The following TCF25 variants were observed in gnomAD, a reference collection of about 807,000 sequenced individuals.
The protein encoded by TCF25 is TCF25 ribosome quality control complex subunit, also known as ribosome quality control complex subunit TCF25.
Under a neutral mutation model 83.1 loss-of-function variants are expected in TCF25, and 41 were observed. The ratio of observed to expected loss-of-function variants is 0.49; its 90% confidence interval spans 0.38 to 0.64. The LOEUF (loss-of-function observed/expected upper bound fraction) is 0.64. TCF25 is among the 30% of genes least tolerant of loss of function. The pLI is 0.00. For synonymous variants in TCF25, 458 were observed against 365.0 expected, an observed-to-expected ratio of 1.25 and a Z score of -2.90; for missense variants, 979 against 914.5, an observed-to-expected ratio of 1.07 and a Z score of -0.91.
At chr16:89,899,700 T>G (rs1172962163) in intron 11 of TCF25, among the ~76,000 whole-genome samples, 1 of 151,248 alleles carries the variant, frequency 6.6e-6, no homozygotes, top group African/African-American at 2.4e-5. Context: ...TGCACTCCAG[T>G]CTGGGCAACC....
chr16:89,900,848 G>A lies in TCF25; in HGVS notation c.1381+54G>A, dbSNP rs77672050. ...TAGGGGTGTGTCCTGTCAGCCGTGG[G>A]GGCTGCTCTTCCTGGTGGTGGAGGC... On this transcript the variant is annotated intron_variant, in intron 12 of 17. Transcript: ENST00000263346. The A allele has an allele frequency of 3.8e-3, 5,545 of 1,461,750 alleles. 201 individuals carry two copies. In the African/African-American group the frequency reaches 0.069, roughly 18 times the overall value. The allele number at this position is 1,461,750 out of a possible 1,614,324, so 90.5% of individuals were successfully genotyped here.
chr16:89,900,168 G>A (rs901613817), intron 11 of TCF25, among the ~76,000 whole-genome samples: 3 of 150,840 alleles, frequency 2.0e-5, no homozygotes, highest in Admixed American at 1.3e-4. Flanking sequence ...TCTACAATAT[G>A]TGACATAGGC....
chr16:89,898,193 ACCT>A (rs1789261620), intron 9 of TCF25, among the ~76,000 whole-genome samples: 2 of 152,338 alleles, frequency 1.3e-5, no homozygotes, highest in African/African-American at 2.4e-5. Context: ...GAGAGCGCAC[ACCT>A]CCTCTCCAGA....
chr16:89,878,744 C>A, intron 1 of TCF25: 1 of 799,530 alleles, frequency 1.3e-6, no homozygotes, highest in South Asian at 4.6e-5. Flanking sequence ...GGATTCACTC[C>A]ATTGTCCAGC....
chr16:89,891,320 A>G (rs1276613486), intron 5 of TCF25, among the ~76,000 whole-genome samples: 1 of 152,200 alleles, frequency 6.6e-6, no homozygotes, highest in Non-Finnish European at 1.5e-5. Flanking sequence ...GGCGTGTGCT[A>G]CAGGCAGGAG....
chr16:89,904,898 C>G, intron 13 of TCF25, 40 bp from the exon 14 acceptor site: 1 of 1,582,362 alleles, frequency 6.3e-7, no homozygotes, highest in Non-Finnish European at 8.6e-7. Context: ...AGGCTGTGGT[C>G]TGAAGAGGGG....
chr16:89,876,346 T>C (rs1176121327), intron 1 of TCF25, among the ~76,000 whole-genome samples: 1 of 152,188 alleles, frequency 6.6e-6, no homozygotes, highest in Non-Finnish European at 1.5e-5. Flanking sequence ...TAAACAGAAG[T>C]ATGGGAGACA....
chr16:89,888,235 C>T lies in TCF25; in HGVS notation c.614+518C>T, dbSNP rs543333021. On this transcript the variant is annotated intron_variant, in intron 5 of 17. Coordinates refer to ENST00000263346, the MANE Select transcript of TCF25 (RefSeq NM_014972.3). ...GAGCTGAGATCACACCACTGCACTC[C>T]AGCCTGGCCGACAGAGCGAGACCGT... Among the ~76,000 whole-genome samples the T allele has an allele frequency of 2.0e-5, 3 of 152,064 alleles. No homozygotes were observed. The South Asian group carries it at 6.2e-4, about 32-fold the overall frequency.
chr16:89,885,669 T>G (rs527822350), intron 3 of TCF25, among the ~76,000 whole-genome samples, 179 bp from the exon 4 acceptor site: 1 of 152,336 alleles, frequency 6.6e-6, no homozygotes, highest in South Asian at 2.1e-4. Flanking sequence ...GAGCGCTTCT[T>G]AGGAAACATC....
chr16:89,907,834 AC>A (rs1597389447), intron 16 of TCF25, among the ~76,000 whole-genome samples: 5 of 74 alleles, frequency 0.068, no homozygotes, highest in South Asian at 0.5. Context: ...CTCCCACCTC[AC>A]CTCCCTCCTC....
At chr16:89,900,435 C>T (rs1051490338) in intron 11 of TCF25, among the ~76,000 whole-genome samples, 200 bp from the exon 12 acceptor site, 9 of 152,196 alleles carry the variant, frequency 5.9e-5, no homozygotes, top group Non-Finnish European at 1.0e-4. Context: ...CCCACGTCCT[C>T]TGTATCTTCT....
chr16:89,894,805 C>T (rs541914127), intron 7 of TCF25, among the ~76,000 whole-genome samples: 62 of 152,252 alleles, frequency 4.1e-4, no homozygotes, highest in Non-Finnish European at 7.4e-4. Flanking sequence ...CCACCACACC[C>T]GGCTAATTTT....
At chr16:89,903,155 T>A (rs2044486732) in intron 12 of TCF25, among the ~76,000 whole-genome samples, 1 of 152,250 alleles carries the variant, frequency 6.6e-6, no homozygotes, top group African/African-American at 2.4e-5. Context: ...TGTGCTGCTG[T>A]GTCACAGGCT....
rs190775582 is a variant in TCF25, at chr16:89,898,999, C to T, written c.1221+127C>T. The T allele has an allele frequency of 5.8e-4, 505 of 872,158 alleles. 11 individuals are homozygous for T. The East Asian group carries it at 0.012, about 20-fold the overall frequency. The allele number at this position is 872,158 out of a possible 1,614,324, so 54.0% of individuals were successfully genotyped here. On this transcript the variant is annotated intron_variant, in intron 11 of 17. Coordinates refer to ENST00000263346, the MANE Select transcript of TCF25 (RefSeq NM_014972.3). ...AAACGATAATCGTCTGAGGGCAGAA[C>T]CACGTCCTCCTGCCTTGTTTGTCTC... is the stretch of plus-strand genomic sequence containing the variant.
chr16:89,910,969 C>T (rs2045504996), intron 17 of TCF25, 111 bp from the exon 18 acceptor site: 2 of 1,441,936 alleles, frequency 1.4e-6, no homozygotes, highest in Non-Finnish European at 1.9e-6. Context: ...GGTTCAGGGT[C>T]CGGTGCTGGG....
intron 15 of TCF25, 104 bp from the exon 16 acceptor site, chr16:89,907,139 G>A: frequency 8.9e-7 from 1 of 1,129,342 alleles, no homozygotes; most frequent in Non-Finnish European, 1.3e-6. Context: ...TCTCTCAGCA[G>A]ATGCATCCAG....
chr16:89,894,343 A>T (rs2043665190), intron 7 of TCF25, among the ~76,000 whole-genome samples: 1 of 135,742 alleles, frequency 7.4e-6, no homozygotes, highest in Non-Finnish European at 1.5e-5. Flanking sequence ...CAGCCCCTGG[A>T]CAGCTCCCCT....
At chr16:89,893,700 A>G (rs752873265) in intron 6 of TCF25, 28 bp from the exon 7 acceptor site, 13 of 1,612,748 alleles carry the variant, frequency 8.1e-6, no homozygotes, top group Admixed American at 1.7e-5. Context: ...CTCCCGGCAC[A>G]CCCTCCCTGA....
intron 4 of TCF25, among the ~76,000 whole-genome samples, chr16:89,887,321 G>A (rs1324966151): frequency 1.3e-5 from 2 of 151,388 alleles, no homozygotes; most frequent in Admixed American, 6.6e-5. Flanking sequence ...AAAAAGCTCC[G>A]TGGAGTCAGT....
Sources: allele counts gnomAD v4.1 joint callset (sites outside exome capture counted in the v4.1 genomes callset), GRCh38; gene constraint gnomAD v4.1.1; transcripts MANE v1.5; gene names NCBI Gene and HGNC (gene_info 2026-07-23, HGNC 2026-07-21).